The following MAF variants were observed in gnomAD, a reference collection of about 807,000 sequenced individuals.
MAF encodes MAF bZIP transcription factor.
Under a neutral mutation model 22.0 loss-of-function variants are expected in MAF, and 10 were observed. That is an observed-to-expected ratio of 0.45 (90% CI 0.28 to 0.77). The LOEUF (loss-of-function observed/expected upper bound fraction) is 0.77, where lower values mean the gene tolerates loss of function less well. MAF is among the 30% of genes least tolerant of loss of function. The probability of loss-of-function intolerance (pLI) is 0.12; values close to 1 mark genes in which losing one functional copy is unlikely to be tolerated. For synonymous variants in MAF, 337 were observed against 255.8 expected (o/e 1.32, Z -3.03); for missense variants, 544 against 548.4 (o/e 0.99, Z 0.08).
chr16:79,556,580 T>C, the MAF span, among the ~76,000 whole-genome samples: 3 of 152,166 alleles, frequency 2.0e-5, no homozygotes, highest in Non-Finnish European at 2.9e-5. Context: ...TCTGATGAAA[T>C]TGAATATATA....
chr16:79,317,105 C>G, the MAF span, among the ~76,000 whole-genome samples: 2 of 151,626 alleles, frequency 1.3e-5, no homozygotes, highest in Non-Finnish European at 2.9e-5. Context: ...TCCCTCACTC[C>G]ATTTTCCTTC....
the MAF span, among the ~76,000 whole-genome samples, chr16:79,549,757 C>A: frequency 1.3e-5 from 2 of 152,176 alleles, no homozygotes; most frequent in African/African-American, 4.8e-5. Context: ...TCCTAGCAGT[C>A]CTGATTTCTA....
At chr16:79,501,253 C>A in the MAF span, among the ~76,000 whole-genome samples, 3 of 152,196 alleles carry the variant, frequency 2.0e-5, no homozygotes, top group Non-Finnish European at 4.4e-5. Flanking sequence ...TTGTCAGATC[C>A]TTCTTTTCCC....
chr16:79,578,007 G>C, the MAF span, among the ~76,000 whole-genome samples: 1 of 152,214 alleles, frequency 6.6e-6, no homozygotes, highest in East Asian at 1.9e-4. Flanking sequence ...TCAAATTTAT[G>C]TCTTTGGTAC....
chr16:79,240,203 C>G, the MAF span, among the ~76,000 whole-genome samples: 6 of 151,620 alleles, frequency 4.0e-5, no homozygotes, highest in Admixed American at 3.3e-4. Context: ...GATTGACATT[C>G]AGGACTAAAC....
At chr16:79,457,274 A>T in the MAF span, among the ~76,000 whole-genome samples, 2,734 of 152,100 alleles carry the variant, frequency 0.018, 101 homozygotes, top group African/African-American at 0.063. Flanking sequence ...GTTTCATGGG[A>T]GATGTAAAAG....
At chr16:79,533,516 G>A in the MAF span, among the ~76,000 whole-genome samples, 1 of 152,170 alleles carries the variant, frequency 6.6e-6, no homozygotes, top group Non-Finnish European at 1.5e-5. Flanking sequence ...TCCTCTGGTT[G>A]AGTGAGAGGG....
the MAF span, among the ~76,000 whole-genome samples, chr16:79,476,589 C>A: frequency 6.6e-6 from 1 of 152,086 alleles, no homozygotes; most frequent in African/African-American, 2.4e-5. Context: ...TCTCTCTGAC[C>A]CTCAGATTTT....
At chr16:79,450,340 G>T in the MAF span, among the ~76,000 whole-genome samples, 1 of 152,126 alleles carries the variant, frequency 6.6e-6, no homozygotes, top group African/African-American at 2.4e-5. Context: ...TGCATCAACA[G>T]ACTACCACAA....
the MAF span, among the ~76,000 whole-genome samples, chr16:79,541,101 G>C: frequency 0.066 from 10,112 of 152,116 alleles, 521 homozygotes; most frequent in Non-Finnish European, 0.088. Flanking sequence ...TACTACTAGA[G>C]CTGCTGCTAC....
chr16:79,322,560 T>G, the MAF span, among the ~76,000 whole-genome samples: 164 of 152,168 alleles, frequency 1.1e-3, no homozygotes, highest in Middle Eastern at 0.01. Flanking sequence ...TTGTGCTGGG[T>G]GCTGGGGATA....
chr16:79,203,245 C>T, the MAF span: 1 of 152,164 alleles, frequency 6.6e-6, no homozygotes, highest in Non-Finnish European at 1.5e-5. Flanking sequence ...ACACTCTCCA[C>T]AGTATGTTCT....
the MAF span, among the ~76,000 whole-genome samples, chr16:79,526,849 G>A: frequency 1.3e-5 from 2 of 151,892 alleles, no homozygotes; most frequent in Non-Finnish European, 2.9e-5. Flanking sequence ...CAAATAATAA[G>A]ATATAGATAA....
chr16:79,226,887 T>A, the MAF span, among the ~76,000 whole-genome samples: 1 of 152,016 alleles, frequency 6.6e-6, no homozygotes, highest in South Asian at 2.1e-4. Flanking sequence ...CTGACTCAGG[T>A]CCAGTCATGG....
chr16:79,492,772 A>G, the MAF span, among the ~76,000 whole-genome samples: 1 of 152,214 alleles, frequency 6.6e-6, no homozygotes, highest in African/African-American at 2.4e-5. Flanking sequence ...CCAGACCCAA[A>G]AGGGAACATT....
At chr16:79,231,994 G>C in the MAF span, among the ~76,000 whole-genome samples, 172 of 152,098 alleles carry the variant, frequency 1.1e-3, 5 homozygotes, top group East Asian at 0.026. Context: ...TGCATGCACA[G>C]TTTACAATAG....
chr16:79,470,933 A>G, the MAF span, among the ~76,000 whole-genome samples: 1 of 152,256 alleles, frequency 6.6e-6, no homozygotes, highest in Non-Finnish European at 1.5e-5. Context: ...AGTTAACTGG[A>G]AAAGAATGAA....
chr16:79,507,688 G>C, the MAF span, among the ~76,000 whole-genome samples: 22 of 152,298 alleles, frequency 1.4e-4, no homozygotes, highest in African/African-American at 4.8e-4. Context: ...GTCTCCCAAA[G>C]TGCTGGTATT....
At chr16:79,495,647 G>A in the MAF span, among the ~76,000 whole-genome samples, 12 of 152,210 alleles carry the variant, frequency 7.9e-5, 1 homozygote, top group South Asian at 2.1e-4. Context: ...TCTGCCTGCC[G>A]CGACTGTTAA....
Sources: gnomAD v4.1 joint callset for allele counts (sites outside exome capture counted in the v4.1 genomes callset) on GRCh38, gnomAD v4.1.1 for gene constraint, MANE v1.5 for transcripts, NCBI Gene and HGNC (gene_info 2026-07-23, HGNC 2026-07-21) for gene names.